Variants in GOLGA4 observed in about 807,000 individuals in gnomAD.
The protein encoded by GOLGA4 is golgin A4, also known as golgin subfamily A member 4.
Under a neutral mutation model 265.9 loss-of-function variants are expected in GOLGA4, and 169 were observed. The observed-to-expected ratio is 0.64, with a 90% CI of 0.56 to 0.72. The LOEUF is 0.72. GOLGA4 is among the 30% of genes least tolerant of loss of function. GOLGA4 has a pLI of 0.00. For missense variants in GOLGA4, 2,482 were observed against 2,483.4 expected (o/e 1.00, Z 0.01); for synonymous variants, 923 against 855.8 (o/e 1.08, Z -1.37).
chr3:37,323,655 T>C lies in GOLGA4; in HGVS notation c.1769T>C (p.Leu590Ser). The change falls in exon 14 of 24, where the codon TTG becomes TCG. Residue 590 changes from leucine to serine, a missense_variant. Physicochemically the swap from Leu to Ser is moderately radical, Grantham distance 145. Transcript: ENST00000361924. ...LQENKNQSKD[L>S]AVHLEAEKNK... ...GAAAACAAAAATCAGTCAAAAGATT[T>C]GGCTGTTCATCTGGAAGCTGAAAAA... The C allele has an allele frequency of 6.3e-7, 1 of 1,592,290 alleles. No individual in the cohort carries two copies. The highest frequency in any genetic ancestry group is 8.5e-7 in the Non-Finnish European group (1 of 1,173,946).
chr3:37,295,375 C>A (rs112450777), intron 6 of GOLGA4, among the ~76,000 whole-genome samples: 7 of 152,226 alleles, frequency 4.6e-5, no homozygotes, highest in African/African-American at 1.4e-4. Context: ...TATGCCACCA[C>A]GCCCAGCTAA....
chr3:37,263,178 T>C (rs1335267570), intron 2 of GOLGA4, among the ~76,000 whole-genome samples: 2 of 152,250 alleles, frequency 1.3e-5, no homozygotes, highest in East Asian at 1.9e-4. Flanking sequence ...CCACCTACGA[T>C]GTTCAGTACA....
At chr3:37,306,501 CTG>C (rs35641880) in intron 10 of GOLGA4, among the ~76,000 whole-genome samples, 46,315 of 139,788 alleles carry the variant, frequency 0.33, 7,455 homozygotes, top group East Asian at 0.51. Context: ...TGGCTGTTCT[CTG>C]TGTGTGTGTG....
chr3:37,271,611 C>T lies in GOLGA4; in HGVS notation c.163-10347C>T, dbSNP rs562473553. ...TAGCCTACCCCTACACTTCCCTGAC[C>T]GTACCACTACCATTTTGCCTACTTG... On this transcript the variant is annotated intron_variant, in intron 2 of 23. Coordinates refer to ENST00000361924, the MANE Select transcript of GOLGA4 (RefSeq NM_002078.5). Among the ~76,000 whole-genome samples the T allele has an allele frequency of 4.6e-5, 7 of 152,286 alleles. No homozygotes were observed. The East Asian group carries it at 1.2e-3, about 25-fold the overall frequency.
Position 37,337,224 on chromosome 3 carries a change from G to A in GOLGA4, c.6327+61G>A, listed in dbSNP as rs1399545210. 7 of 894,730 alleles carry A rather than the reference G, an allele frequency of 7.8e-6. No homozygotes were observed. In the Admixed American group the frequency reaches 9.7e-5, roughly 12 times the overall value. 55.4% of individuals were successfully genotyped at this position (894,730 alleles called of 1,614,324 possible). On this transcript the variant is annotated intron_variant, in intron 18 of 23. Transcript: ENST00000361924. ...TTTCTTTGAGACAGATTCTCACTCT[G>A]TTGCCCAGGCTGTTGCCCAGGCTGG... is the stretch of plus-strand genomic sequence containing the variant.
At chr3:37,271,964 T>A (rs2096799911) in intron 2 of GOLGA4, among the ~76,000 whole-genome samples, 1 of 152,212 alleles carries the variant, frequency 6.6e-6, no homozygotes, top group Non-Finnish European at 1.5e-5. Flanking sequence ...GGATCTAGGT[T>A]GCATGCTCCT....
intron 10 of GOLGA4, among the ~76,000 whole-genome samples, chr3:37,313,257 G>A (rs1445265210): frequency 1.3e-5 from 2 of 152,158 alleles, no homozygotes; most frequent in African/African-American, 4.8e-5. Context: ...AAACTATTGA[G>A]CAAACTAAGT....
chr3:37,271,917 T>C (rs905654454), intron 2 of GOLGA4, among the ~76,000 whole-genome samples: 2 of 152,132 alleles, frequency 1.3e-5, no homozygotes, highest in East Asian at 3.8e-4. Context: ...TAGATTGTCA[T>C]AGGAGCGTGA....
chr3:37,344,129 TCTCA>T (rs1432808565), intron 20 of GOLGA4, among the ~76,000 whole-genome samples: 1 of 152,252 alleles, frequency 6.6e-6, no homozygotes, highest in African/African-American at 2.4e-5. Flanking sequence ...CTGGTCAGTG[TCTCA>T]CTCTGTCATT....
At chr3:37,258,519 G>A (rs1578378353) in intron 2 of GOLGA4, among the ~76,000 whole-genome samples, 2 of 151,780 alleles carry the variant, frequency 1.3e-5, no homozygotes. Flanking sequence ...GTAGAGATGA[G>A]GTTTCACCAT....
At chr3:37,265,569 C>T (rs2096781462) in intron 2 of GOLGA4, among the ~76,000 whole-genome samples, 1 of 152,046 alleles carries the variant, frequency 6.6e-6, no homozygotes, top group African/African-American at 2.4e-5. Context: ...GTATGATTGA[C>T]ATGTAAAAAG....
Position 37,256,974 on chromosome 3 carries a change from G to A in GOLGA4, c.162+5490G>A, listed in dbSNP as rs189189681. 2.0e-5 allele frequency among the ~76,000 whole-genome samples: 3 copies of A among 151,854 alleles called. No homozygotes were observed. The East Asian group carries it at 5.8e-4, about 29-fold the overall frequency. ...ACCATTTAAAGCAAACAATTAAGTA[G>A]CGTTCAGTACATTCCCAGTGTTGTA... On this transcript the variant is annotated intron_variant, in intron 2 of 23. Transcript: ENST00000361924.
At chr3:37,252,356 T>C (rs2096736419) in intron 2 of GOLGA4, among the ~76,000 whole-genome samples, 1 of 151,556 alleles carries the variant, frequency 6.6e-6, no homozygotes, top group Non-Finnish European at 1.5e-5. Flanking sequence ...CTCTTAAATA[T>C]GCTTTCTAAA....
At chr3:37,256,940 CAT>C (rs1432966084) in intron 2 of GOLGA4, among the ~76,000 whole-genome samples, 3 of 151,774 alleles carry the variant, frequency 2.0e-5, no homozygotes, top group Non-Finnish European at 2.9e-5. Context: ...ATTCATATAA[CAT>C]AAATTAACCA....
Position 37,325,735 on chromosome 3 carries a change from G to A in GOLGA4, c.3849G>A (p.Glu1283=). ...AAGCACAACTTAGACAGTTGACAGA[G>A]GAGCAAAATACACTAAATATTTCTT... ...ELEAQLRQLT[E]EQNTLNISFQ... The change falls in exon 14 of 24, where the codon GAG becomes GAA. Residue 1283 remains glutamate (E), a synonymous_variant. Transcript: ENST00000361924. 6.2e-7 allele frequency: 1 copy of A among 1,613,612 alleles called. No individual in the cohort carries two copies. Among genetic ancestry groups the A allele is most frequent in the Non-Finnish European group, 8.5e-7 (1 of 1,179,648 alleles).
At chr3:37,311,817 G>A (rs1394181114) in intron 10 of GOLGA4, among the ~76,000 whole-genome samples, 1 of 152,170 alleles carries the variant, frequency 6.6e-6, no homozygotes, top group African/African-American at 2.4e-5. Flanking sequence ...AAATTCGACT[G>A]TATATAGAAG....
chr3:37,334,578 T>C (rs1031602435), intron 16 of GOLGA4, among the ~76,000 whole-genome samples: 5 of 152,182 alleles, frequency 3.3e-5, no homozygotes, highest in Admixed American at 1.3e-4. Context: ...TAGTGCTCTG[T>C]ATAAAAATAC....
rs879491782 is a variant in GOLGA4 at position 37,345,946 on chromosome 3, C to CA, written c.6473-1233dup. On this transcript the variant is annotated intron_variant, in intron 20 of 23. Coordinates refer to ENST00000361924, the MANE Select transcript of GOLGA4 (RefSeq NM_002078.5). ...TGGGCGACAGAGCGAGACTCCATCT[C>CA]AAAAAAAAAAAAAAGTAATCTGCCT... 2.6e-3 allele frequency among the ~76,000 whole-genome samples: 284 copies of CA among 111,012 alleles called. 1 individual carries two copies. The highest frequency in any genetic ancestry group is 5.9e-3 in the African/African-American group (174 of 29,406). 72.8% of individuals were successfully genotyped at this position (111,012 alleles called of 152,430 possible).
chr3:37,265,574 A>G (rs1433141345), intron 2 of GOLGA4, among the ~76,000 whole-genome samples: 1 of 152,194 alleles, frequency 6.6e-6, no homozygotes, highest in East Asian at 1.9e-4. Context: ...ATTGACATGT[A>G]AAAAGCTGTA....
Sources: allele counts gnomAD v4.1 joint callset (sites outside exome capture counted in the v4.1 genomes callset), GRCh38; gene constraint gnomAD v4.1.1; transcripts MANE v1.5; gene names NCBI Gene and HGNC (gene_info 2026-07-23, HGNC 2026-07-21).